The following COMMD8 variants were observed in gnomAD, a reference collection of about 807,000 sequenced individuals.
The protein encoded by COMMD8 is COMM domain containing 8.
A neutral mutation model predicts 27.2 loss-of-function variants in COMMD8; 28 were observed. The observed-to-expected ratio is 1.03, with a 90% CI of 0.76 to 1.41. The LOEUF (loss-of-function observed/expected upper bound fraction) is 1.41, where lower values mean the gene tolerates loss of function less well. Ranked by LOEUF, COMMD8 falls within the 40% of genes most tolerant of loss-of-function variation. The pLI, the probability that COMMD8 is intolerant of heterozygous loss-of-function variation, is 0.00. For missense variants in COMMD8, 217 were observed against 211.2 expected (o/e 1.03, Z -0.17); for synonymous variants, 79 against 75.5 (o/e 1.05, Z -0.24).
chr4:47,459,514 C>T (rs1023123271), intron 2 of COMMD8, among the ~76,000 whole-genome samples: 48 of 152,224 alleles, frequency 3.2e-4, no homozygotes, highest in African/African-American at 1.1e-3. Flanking sequence ...AATGACTATT[C>T]ATTAGTCAGT....
intron 1 of COMMD8, among the ~76,000 whole-genome samples, chr4:47,462,832 G>C (rs1259938089): frequency 6.6e-6 from 1 of 150,914 alleles, no homozygotes; most frequent in Non-Finnish European, 1.5e-5. Context: ...TTTTTTTCTT[G>C]ACCCTGGCAG....
chr4:47,463,150 T>C (rs1057208365), intron 1 of COMMD8, among the ~76,000 whole-genome samples: 1 of 138,880 alleles, frequency 7.2e-6, no homozygotes, highest in African/African-American at 2.7e-5. Context: ...CGCCCAGTTA[T>C]TTCTCTTCCT....
chr4:47,458,443 AAAATT>A (rs1729944327), intron 2 of COMMD8, among the ~76,000 whole-genome samples: 1 of 152,262 alleles, frequency 6.6e-6, no homozygotes, highest in Admixed American at 6.5e-5. Flanking sequence ...AAACTACTGA[AAAATT>A]AAAGATCAAA....
intron 2 of COMMD8, 21 bp from the exon 3 acceptor site, chr4:47,456,750 A>G: frequency 6.5e-7 from 1 of 1,544,716 alleles, no homozygotes; most frequent in Non-Finnish European, 8.7e-7. Flanking sequence ...AAAAACAGGC[A>G]AAAGGGGCTT....
At chr4:47,454,071 A>G (rs1729826108) in intron 3 of COMMD8, among the ~76,000 whole-genome samples, 1 of 152,202 alleles carries the variant, frequency 6.6e-6, no homozygotes, top group Admixed American at 6.5e-5. Context: ...TGGAAGTATC[A>G]GCTTCAGGTT....
rs1206289710 is a variant in COMMD8, at chr4:47,451,366, A to G, written c.*279T>C. On this transcript the variant is annotated 3_prime_UTR_variant, in exon 5 of 5. Transcript: ENST00000381571. ...GCTTTCAATAAAACTATGTATCTCC[A>G]AAGATTTCTCAAATATTTAATAAAT... The G allele has an allele frequency of 2.6e-6, 1 of 377,706 alleles. No individual in the cohort carries two copies. Among genetic ancestry groups the G allele is most frequent in the East Asian group, 6.0e-5 (1 of 16,550 alleles). 23.4% of individuals were successfully genotyped at this position (377,706 alleles called of 1,614,324 possible).
In COMMD8 at chr4:47,461,624, TTAAA is replaced by T. The variant is rs1560391953; in HGVS notation, c.67-1329_67-1326del. Among the ~76,000 whole-genome samples, 7 of 152,328 alleles carry T rather than the reference TTAAA, an allele frequency of 4.6e-5. No homozygotes were observed. The South Asian group carries it at 6.2e-4, about 14-fold the overall frequency. On this transcript the variant is annotated intron_variant, in intron 1 of 4. Transcript: ENST00000381571. ...TGTAATGAACACTTCATCCCAGTTA[TTAAA>T]TAAAGTCATGGAAATGACCTTATTT...
chr4:47,454,238 G>T (rs1180454424), intron 3 of COMMD8, among the ~76,000 whole-genome samples: 1 of 152,172 alleles, frequency 6.6e-6, no homozygotes, highest in African/African-American at 2.4e-5. Context: ...TCCCCAGGTT[G>T]AATTGAAACG....
chr4:47,451,266 T>G lies in COMMD8; in HGVS notation c.*379A>C, dbSNP rs2109352002. Reference sequence around the variant, plus strand: ...TATATATCCATAATATATGTTGCTATTCACACAATTCTTTAAGCAATATTC... The same window carrying G: ...TATATATCCATAATATATGTTGCTAGTCACACAATTCTTTAAGCAATATTC... On this transcript the variant is annotated 3_prime_UTR_variant, in exon 5 of 5. Transcript: ENST00000381571. 2 of 218,702 alleles carry G rather than the reference T, an allele frequency of 9.1e-6. No homozygotes were observed. Among genetic ancestry groups the G allele is most frequent in the South Asian group, 6.5e-5 (1 of 15,408 alleles). 13.5% of individuals were successfully genotyped at this position (218,702 alleles called of 1,614,324 possible). A position where few individuals can be genotyped will look rare whatever the true frequency, so the allele number is the denominator to read the frequency against.
chr4:47,463,645 G>C lies in COMMD8; in HGVS notation c.7C>G (p.Pro3Ala), dbSNP rs1375054019. 6 of 1,548,982 alleles carry C rather than the reference G, an allele frequency of 3.9e-6. No homozygotes were observed. The East Asian group carries it at 1.5e-4, about 38-fold the overall frequency. Residue 3 changes from proline (P) to alanine (A), a missense_variant, in exon 1 of 5, where the codon CCG (proline) becomes GCG (alanine). By Grantham distance (27) the Pro-to-Ala change is conservative. Coordinates refer to ENST00000381571, the MANE Select transcript of COMMD8 (RefSeq NM_017845.5). The part of the protein sequence containing the change: ME[P>A]EEGTPLWRLQ... ...CGCCACAAGGGCGTCCCCTCTTCCG[G>C]CTCCATCCCTGCGCGAAGCTGGGGC...
chr4:47,456,823 AAG>A, intron 2 of COMMD8, 94 bp from the exon 3 acceptor site: 2 of 892,792 alleles, frequency 2.2e-6, no homozygotes, highest in Non-Finnish European at 3.3e-6. Flanking sequence ...GCAACAGTAA[AAG>A]AAAAAGAGAA....
At chr4:47,454,618 C>A (rs1489867086) in intron 3 of COMMD8, among the ~76,000 whole-genome samples, 1 of 152,138 alleles carries the variant, frequency 6.6e-6, no homozygotes, top group East Asian at 1.9e-4. Context: ...GTAATCCCAG[C>A]ACTTTGGGAG....
At chr4:47,459,171 C>T (rs995895178) in intron 2 of COMMD8, among the ~76,000 whole-genome samples, 2 of 152,048 alleles carry the variant, frequency 1.3e-5, no homozygotes, top group African/African-American at 4.8e-5. Context: ...AATTTCATAA[C>T]TTGTTTCACC....
At chr4:47,462,991 G>C (rs1453301731) in intron 1 of COMMD8, among the ~76,000 whole-genome samples, 1 of 152,122 alleles carries the variant, frequency 6.6e-6, no homozygotes, top group Non-Finnish European at 1.5e-5. Context: ...CATCCCATCG[G>C]GGCGCTCAAT....
chr4:47,454,884 A>G, intron 3 of COMMD8, among the ~76,000 whole-genome samples: 1 of 151,730 alleles, frequency 6.6e-6, no homozygotes, highest in East Asian at 1.9e-4. Context: ...AAAAAAAAAA[A>G]AAACAGAACT....
chr4:47,457,750 C>T (rs1578174130), intron 2 of COMMD8, among the ~76,000 whole-genome samples: 1 of 151,654 alleles, frequency 6.6e-6, no homozygotes, highest in East Asian at 1.9e-4. Context: ...CTCACTTATT[C>T]TTCCTGAGAA....
At chr4:47,459,162 A>G (rs545476461) in intron 2 of COMMD8, among the ~76,000 whole-genome samples, 30 of 152,246 alleles carry the variant, frequency 2.0e-4, no homozygotes, top group African/African-American at 6.3e-4. Context: ...GATCTGTTAA[A>G]TTTCATAACT....
chr4:47,458,461 C>T (rs1365607674), intron 2 of COMMD8, among the ~76,000 whole-genome samples: 1 of 152,050 alleles, frequency 6.6e-6, no homozygotes, highest in African/African-American at 2.4e-5. Flanking sequence ...AGATCAAAAA[C>T]ATCATTTACT....
chr4:47,462,280 A>C (rs1490719042), intron 1 of COMMD8, among the ~76,000 whole-genome samples: 1 of 152,178 alleles, frequency 6.6e-6, no homozygotes. Context: ...TAAATTGTTG[A>C]GGACACTCAA....
Sources: allele counts gnomAD v4.1 joint callset (sites outside exome capture counted in the v4.1 genomes callset), GRCh38; gene constraint gnomAD v4.1.1; transcripts MANE v1.5; gene names NCBI Gene and HGNC (gene_info 2026-07-23, HGNC 2026-07-21).